The following CENPC variants were observed in gnomAD, a reference collection of about 807,000 sequenced individuals.
CENPC encodes CENP-C 1.
A neutral mutation model predicts 112.1 loss-of-function variants in CENPC; 63 were observed. That is an observed-to-expected ratio of 0.56 (90% CI 0.46 to 0.69). CENPC has a LOEUF of 0.69. Among genes scored for constraint, CENPC ranks in the 30% least tolerant of loss-of-function variants. The pLI is 0.00. For synonymous variants in CENPC, 333 were observed against 367.6 expected, an observed-to-expected ratio of 0.91 and a Z score of 1.08; for missense variants, 1,000 against 1,103.8, an observed-to-expected ratio of 0.91 and a Z score of 1.33.
chr4:67,509,747 G>A (rs1250617464), intron 9 of CENPC, among the ~76,000 whole-genome samples: 1 of 151,760 alleles, frequency 6.6e-6, no homozygotes, highest in African/African-American at 2.4e-5. Context: ...TTTCATATCT[G>A]GATTATTAAA....
intron 10 of CENPC, among the ~76,000 whole-genome samples, chr4:67,507,170 G>A (rs2109795342): frequency 6.6e-6 from 1 of 152,288 alleles, no homozygotes; most frequent in Non-Finnish European, 1.5e-5. Flanking sequence ...CACCTGCCAA[G>A]GAAGGTGGTG....
intron 17 of CENPC, among the ~76,000 whole-genome samples, chr4:67,476,355 G>A (rs1000741483): frequency 6.6e-6 from 1 of 152,192 alleles, no homozygotes; most frequent in Non-Finnish European, 1.5e-5. Flanking sequence ...GTGTGAAAGG[G>A]GGGAAAGTCT....
chr4:67,503,461 C>G (rs1299317780), intron 12 of CENPC, among the ~76,000 whole-genome samples: 2 of 152,122 alleles, frequency 1.3e-5, no homozygotes, highest in Non-Finnish European at 2.9e-5. Flanking sequence ...TCTCTACTCT[C>G]AACACCCAAC....
rs1388037629 is a variant in CENPC, at chr4:67,470,550, C to A, written c.*2055G>T. 17 of 91,832 alleles carry A rather than the reference C, an allele frequency of 1.9e-4. No individual in the cohort carries two copies. Among genetic ancestry groups the A allele is most frequent in the African/African-American group, 6.9e-4 (16 of 23,088 alleles). 5.7% of individuals were successfully genotyped at this position (91,832 alleles called of 1,614,324 possible). On this transcript the variant is annotated 3_prime_UTR_variant, in exon 19 of 19. Transcript: ENST00000273853. ...TCACACCATCGCACTCCAGCCCAGG[C>A]AACAAGAGTGAAACTCTGCCTCAAA...
intron 17 of CENPC, among the ~76,000 whole-genome samples, chr4:67,477,032 G>C (rs1464719615): frequency 1.3e-5 from 2 of 152,086 alleles, no homozygotes; most frequent in Non-Finnish European, 2.9e-5. Flanking sequence ...AGGAGAGTCT[G>C]AGCTCAGACA....
intron 5 of CENPC, among the ~76,000 whole-genome samples, chr4:67,523,262 G>A (rs1052073799): frequency 2.6e-5 from 4 of 151,764 alleles, no homozygotes; most frequent in South Asian, 2.1e-4. Flanking sequence ...GCAGTGAGCC[G>A]AGATCACGCC....
At chr4:67,526,502 A>C (rs1726385556) in intron 5 of CENPC, among the ~76,000 whole-genome samples, 1 of 152,178 alleles carries the variant, frequency 6.6e-6, no homozygotes, top group South Asian at 2.1e-4. Flanking sequence ...ATAACTATTA[A>C]AGAATTAATA....
chr4:67,518,168 T>C lies in CENPC; in HGVS notation c.818A>G (p.Lys273Arg). 6.5e-7 allele frequency: 1 copy of C among 1,536,690 alleles called. No homozygotes were observed. Among genetic ancestry groups the C allele is most frequent in the Non-Finnish European group, 8.8e-7 (1 of 1,139,048 alleles). The change falls in exon 7 of 19, where the codon AAA (lysine) becomes AGA (arginine). Residue 273 changes from lysine to arginine, a missense_variant. By Grantham distance (26) the Lys-to-Arg change is conservative (BLOSUM62 2). Transcript: ENST00000273853. ...CTTAATAACTCACCTGGATTCACTT[T>C]TTCGTTTTACTGTTTCTAAAAACAA... ...STLFLETVKR[K>R]SESSPIVRHA...
chr4:67,512,373 A>G (rs953342185), intron 9 of CENPC, 29 bp downstream of exon 9: 6 of 1,502,850 alleles, frequency 4.0e-6, no homozygotes, highest in South Asian at 1.3e-5. Context: ...TTGTCTATGA[A>G]CAAACACAAT....
At chr4:67,531,231 C>A (rs905535054) in intron 4 of CENPC, among the ~76,000 whole-genome samples, 2 of 151,720 alleles carry the variant, frequency 1.3e-5, no homozygotes, top group Admixed American at 6.6e-5. Flanking sequence ...ATATTACATA[C>A]GTAACAATGG....
Position 67,491,456 on chromosome 4 carries a change from T to G in CENPC, c.2515+724A>C, listed in dbSNP as rs1248442910. Among the ~76,000 whole-genome samples, 170 of 35,240 alleles carry G rather than the reference T, an allele frequency of 4.8e-3. 5 individuals are homozygous for G. Among genetic ancestry groups the G allele is most frequent in the East Asian group, 0.015 (25 of 1,640 alleles). 23.1% of individuals were successfully genotyped at this position (35,240 alleles called of 152,430 possible). A position where few individuals can be genotyped will look rare whatever the true frequency, so the allele number is the denominator to read the frequency against. ...TATATTTAAATATTTCATATATATATATATATATATATATATATATATATA... is the reference window on the plus strand; with the variant it reads ...TATATTTAAATATTTCATATATATAGATATATATATATATATATATATATA... On this transcript the variant is annotated intron_variant, in intron 16 of 18. Transcript: ENST00000273853.
chr4:67,534,890 G>A (rs1037950135), intron 4 of CENPC, among the ~76,000 whole-genome samples: 3 of 152,120 alleles, frequency 2.0e-5, no homozygotes, highest in Admixed American at 2.0e-4. Context: ...AGTAAAAAAG[G>A]TACTTGCAGA....
At chr4:67,476,747 C>T (rs1724815191) in intron 17 of CENPC, among the ~76,000 whole-genome samples, 1 of 152,220 alleles carries the variant, frequency 6.6e-6, no homozygotes, top group Non-Finnish European at 1.5e-5. Flanking sequence ...GCCCAGCTTG[C>T]TTTCTCAGCA....
chr4:67,478,011 TA>T lies in CENPC; in HGVS notation c.2671-3034del, dbSNP rs879736220. Among the ~76,000 whole-genome samples the T allele has an allele frequency of 7.2e-3, 1,035 of 144,360 alleles. 15 individuals are homozygous for T. Among genetic ancestry groups the T allele is most frequent in the African/African-American group, 0.024 (928 of 39,418 alleles). The allele number at this position is 144,360 out of a possible 152,430, so 94.7% of individuals were successfully genotyped here. The stretch of plus-strand genomic sequence containing the variant: ...AATCAAAGACAAAGAGAAAATAAAT[TA>T]AAAAAAAAAATGAACAAAGCCTTGA... On this transcript the variant is annotated intron_variant, in intron 17 of 18. Transcript: ENST00000273853.
intron 12 of CENPC, among the ~76,000 whole-genome samples, chr4:67,495,995 C>T (rs1309772536): frequency 6.6e-6 from 1 of 152,168 alleles, no homozygotes; most frequent in Non-Finnish European, 1.5e-5. Flanking sequence ...TAGTATGCAA[C>T]AGAAATGATG....
intron 12 of CENPC, among the ~76,000 whole-genome samples, chr4:67,502,541 A>G (rs1168586432): frequency 6.6e-6 from 1 of 152,242 alleles, no homozygotes; most frequent in Non-Finnish European, 1.5e-5. Context: ...GGCTTATGTG[A>G]TCAGTAACAG....
At chr4:67,522,536 A>AAG (rs987478709) in intron 5 of CENPC, among the ~76,000 whole-genome samples, 6 of 152,010 alleles carry the variant, frequency 3.9e-5, no homozygotes, top group African/African-American at 9.7e-5. Context: ...GAAAGACAGG[A>AAG]AGAGAGAGAG....
chr4:67,543,318 A>G (rs1176389449), intron 2 of CENPC, among the ~76,000 whole-genome samples: 1 of 152,126 alleles, frequency 6.6e-6, no homozygotes, highest in Non-Finnish European at 1.5e-5. Flanking sequence ...GTTACTTTCT[A>G]TGTCTGGAAT....
chr4:67,472,894 T>G (rs1183315760), intron 18 of CENPC, among the ~76,000 whole-genome samples: 2 of 152,120 alleles, frequency 1.3e-5, no homozygotes, highest in Non-Finnish European at 2.9e-5. Flanking sequence ...AAATTTCACA[T>G]CGTTATGAAA....
Sources: allele counts gnomAD v4.1 joint callset (sites outside exome capture counted in the v4.1 genomes callset), GRCh38; gene constraint gnomAD v4.1.1; transcripts MANE v1.5; gene names NCBI Gene and HGNC (gene_info 2026-07-23, HGNC 2026-07-21).